Variants in DNAH12 observed in about 807,000 individuals in gnomAD.
The protein encoded by DNAH12 is dynein axonemal heavy chain 12, also known as axonemal beta dynein heavy chain 12.
In DNAH12, 285 loss-of-function variants were observed where a neutral mutation model predicts 371.5. The ratio of observed to expected loss-of-function variants is 0.77; its 90% CI spans 0.70 to 0.85. The LOEUF (loss-of-function observed/expected upper bound fraction) is 0.85, where lower values mean the gene tolerates loss of function less well. Ranked by LOEUF, DNAH12 falls within the 40% of genes least tolerant of loss-of-function variation. The probability of loss-of-function intolerance (pLI) is 0.00; values close to 1 mark genes in which losing one functional copy is unlikely to be tolerated. For missense variants in DNAH12, 3,611 were observed against 3,689.4 expected, an observed-to-expected ratio of 0.98 and a Z score of 0.55; for synonymous variants, 1,200 against 1,213.0, an observed-to-expected ratio of 0.99 and a Z score of 0.22.
At chr3:57,321,068 T>C (rs2061794710) in intron 65 of DNAH12, among the ~76,000 whole-genome samples, 1 of 152,230 alleles carries the variant, frequency 6.6e-6, no homozygotes, top group African/African-American at 2.4e-5. Flanking sequence ...GCACCATTTT[T>C]ATTTGAATAA....
At position 57,470,466 on chromosome 3, in the gene DNAH12, C is replaced by T. The variant is rs568465295; in HGVS notation, c.2082G>A (p.Leu694=). The T allele has an allele frequency of 6.5e-7, 1 of 1,529,528 alleles. No individual in the cohort carries two copies. The highest frequency in any genetic ancestry group is 2.5e-5 in the East Asian group (1 of 40,488). 94.7% of individuals were successfully genotyped at this position (1,529,528 alleles called of 1,614,324 possible). ...EPYQKFFNFV[L]KWQRSEKRWM... is the part of the protein sequence containing the mutation. ...ACCGTTTTTCTGATCGCTGCCACTT[C>T]AAAACAAAATTAAAAAACTTCTGAT... The change falls in exon 16 of 74, where the codon TTG becomes TTA. Residue 694 remains leucine (L), a synonymous_variant. Coordinates refer to ENST00000495027, the MANE Select transcript of DNAH12 (RefSeq NM_001366028.2).
chr3:57,305,959 GC>G (rs1318934026), intron 69 of DNAH12, among the ~76,000 whole-genome samples: 2 of 152,210 alleles, frequency 1.3e-5, no homozygotes, highest in African/African-American at 2.4e-5. Context: ...TGCTACAAGT[GC>G]CAGAAATCTG....
intron 13 of DNAH12, among the ~76,000 whole-genome samples, chr3:57,478,689 C>T (rs1334192149): frequency 6.6e-6 from 1 of 152,102 alleles, no homozygotes; most frequent in African/African-American, 2.4e-5. Context: ...GTTGGGTTAC[C>T]AACAAAGGGA....
chr3:57,519,970 G>A, intron 4 of DNAH12: 1 of 850,330 alleles, frequency 1.2e-6, no homozygotes, highest in Non-Finnish European at 2.0e-6. Flanking sequence ...GGAGTGAGAG[G>A]TCAGGGCGTA....
intron 32 of DNAH12, among the ~76,000 whole-genome samples, chr3:57,432,219 G>C (rs1335168602): frequency 7.1e-6 from 1 of 140,274 alleles, no homozygotes; most frequent in Non-Finnish European, 1.5e-5. Context: ...GCCCAGGTTA[G>C]AGTGCAGTGG....
intron 42 of DNAH12, among the ~76,000 whole-genome samples, 199 bp downstream of exon 42, chr3:57,404,770 G>A (rs1286581018): frequency 6.6e-6 from 1 of 152,012 alleles, no homozygotes; most frequent in Non-Finnish European, 1.5e-5. Context: ...ACTACTACTC[G>A]TATGACACAG....
chr3:57,509,869 A>G (rs1207608273), intron 5 of DNAH12, among the ~76,000 whole-genome samples: 1 of 110,262 alleles, frequency 9.1e-6, no homozygotes, highest in Admixed American at 8.1e-5. Flanking sequence ...CATAAAAAAA[A>G]AAAAAAAAAA....
At position 57,461,555 on chromosome 3, in the gene DNAH12, A is replaced by T. The variant is rs764929720; in HGVS notation, c.2670T>A (p.Asp890Glu). 7.1e-6 allele frequency: 11 copies of T among 1,551,376 alleles called. No individual in the cohort carries two copies. In the South Asian group the frequency reaches 1.3e-4, roughly 18 times the overall value. Residue 890 changes from aspartate to glutamate, a missense_variant, in exon 19 of 74, where the codon GAT becomes GAA. Physicochemically the swap from Asp to Glu is conservative, Grantham distance 45. Around this residue, in one of 3 missense-constraint regions of DNAH12, gnomAD observed 1,314 missense variants for 1,398.7 expected, o/e 0.94. Transcript: ENST00000495027. The part of the protein sequence containing the change: ...SVDEIQAILD[D>E]QIIKTQTMRG... Reference sequence around the variant, plus strand: ...TCATTGTCTGAGTTTTTATAATTTGATCATCAAGGATGGCCTGAATCTCAT... The same window carrying T: ...TCATTGTCTGAGTTTTTATAATTTGTTCATCAAGGATGGCCTGAATCTCAT...
In DNAH12 at chr3:57,508,189, GA is replaced by G. The variant is rs769024023; in HGVS notation, c.701+192del. Among the ~76,000 whole-genome samples, 595 of 70,606 alleles carry G rather than the reference GA, an allele frequency of 8.4e-3. 3 individuals are homozygous for G. Among genetic ancestry groups the G allele is most frequent in the Middle Eastern group, 0.018 (2 of 110 alleles). The allele number at this position is 70,606 out of a possible 152,430, so 46.3% of individuals were successfully genotyped here. A position where few individuals can be genotyped will look rare whatever the true frequency, so the allele number is the denominator to read the frequency against. On this transcript the variant is annotated intron_variant, in intron 7 of 73. Coordinates refer to ENST00000495027, the MANE Select transcript of DNAH12 (RefSeq NM_001366028.2). ...ATGACAGAGCAAGACTCCATCACGG[GA>G]AAAAAAAAACAAAAAAAAAAAAAAC...
chr3:57,408,346 A>C lies in DNAH12; in HGVS notation c.6210T>G (p.Leu2070=). Residue 2070 remains leucine, a synonymous_variant, in exon 40 of 74, where the codon CTT becomes CTG. Transcript: ENST00000495027. ...RIFSSIVAFY[L]RTHEFPPEYF... Reference sequence around the variant, plus strand: ...ACTCTGGAGGAAATTCATGAGTTCTAAGGTAGAATGCTACAATAGATGAGA... The same window carrying C: ...ACTCTGGAGGAAATTCATGAGTTCTCAGGTAGAATGCTACAATAGATGAGA... The C allele has an allele frequency of 1.3e-6, 2 of 1,551,580 alleles. No homozygotes were observed. Among genetic ancestry groups the C allele is most frequent in the Non-Finnish European group, 1.7e-6 (2 of 1,146,894 alleles).
chr3:57,357,518 G>T (rs2062827553), intron 58 of DNAH12, among the ~76,000 whole-genome samples, 170 bp from the exon 59 acceptor site: 1 of 151,696 alleles, frequency 6.6e-6, no homozygotes, highest in African/African-American at 2.4e-5. Flanking sequence ...CAGAAATAAA[G>T]AAAACAAAAG....
intron 39 of DNAH12, among the ~76,000 whole-genome samples, chr3:57,413,463 C>A (rs539887682): frequency 1.3e-5 from 2 of 151,938 alleles, no homozygotes; most frequent in Admixed American, 1.3e-4. Flanking sequence ...GATATACCAA[C>A]GCAGGCTTAT....
chr3:57,512,956 G>A (rs931062413), intron 4 of DNAH12, among the ~76,000 whole-genome samples: 14 of 152,000 alleles, frequency 9.2e-5, no homozygotes, highest in Non-Finnish European at 1.3e-4. Flanking sequence ...GGTCAAGATG[G>A]TGAAACCCCG....
In DNAH12 at chr3:57,419,455, TA is replaced by T; in HGVS notation, c.5625del (p.Asp1875GlufsTer10). On this transcript the variant is annotated frameshift_variant, in exon 37 of 74. Coordinates refer to ENST00000495027, the MANE Select transcript of DNAH12 (RefSeq NM_001366028.2). LOFTEE classifies it high-confidence loss of function. ...NELIKNTNLG[D>X]KQIKIQDIIV... is the part of the protein sequence containing the mutation. ...ATGATATCTTGAATCTTGATTTGTT[TA>T]TCTCCTAAATTAGTATTTTTAATTA... is the stretch of plus-strand genomic sequence containing the variant. 6.6e-7 allele frequency: 1 copy of T among 1,506,500 alleles called. No homozygotes were observed. Among genetic ancestry groups the T allele is most frequent in the Non-Finnish European group, 8.8e-7 (1 of 1,130,470 alleles). The allele number at this position is 1,506,500 out of a possible 1,614,324, so 93.3% of individuals were successfully genotyped here. A position where few individuals can be genotyped will look rare whatever the true frequency, so the allele number is the denominator to read the frequency against.
Position 57,513,514 on chromosome 3 carries a change from A to AG in DNAH12, c.280-2536_280-2535insC, listed in dbSNP as rs1553716095. On this transcript the variant is annotated intron_variant, in intron 4 of 73. Coordinates refer to ENST00000495027, the MANE Select transcript of DNAH12 (RefSeq NM_001366028.2). ...GTAAAATTTAAAAACTTATAATAAAAAAAATACTACTAAACTGTACCCTTA... is the reference window on the plus strand; with the variant it reads ...GTAAAATTTAAAAACTTATAATAAAAGAAAATACTACTAAACTGTACCCTTA... Among the ~76,000 whole-genome samples, 3 of 151,884 alleles carry AG rather than the reference A, an allele frequency of 2.0e-5. No individual in the cohort carries two copies. The South Asian group carries it at 6.2e-4, about 32-fold the overall frequency.
chr3:57,509,512 G>A (rs2067901094), intron 5 of DNAH12, among the ~76,000 whole-genome samples: 1 of 152,110 alleles, frequency 6.6e-6, no homozygotes, highest in African/African-American at 2.4e-5. Context: ...CTGGGAGGAT[G>A]TTGGTCACAG....
intron 60 of DNAH12, 47 bp from the exon 61 acceptor site, chr3:57,334,987 T>C (rs1374498246): frequency 2.0e-6 from 3 of 1,507,644 alleles, no homozygotes; most frequent in East Asian, 2.5e-5. Context: ...GATTTTAAAA[T>C]TGAATGATGT....
At position 57,373,172 on chromosome 3, in the gene DNAH12, C is replaced by T. The variant is rs2063210819; in HGVS notation, c.8759+2199G>A. Among the ~76,000 whole-genome samples, 3 of 152,152 alleles carry T rather than the reference C, an allele frequency of 2.0e-5. No individual in the cohort carries two copies. The South Asian group carries it at 6.2e-4, about 32-fold the overall frequency. ...AACTACACTCCTGGTCTTCAATACTCATGTTTGTTACTCTGGCTTGGGTCC... is the reference window on the plus strand; with the variant it reads ...AACTACACTCCTGGTCTTCAATACTTATGTTTGTTACTCTGGCTTGGGTCC... On this transcript the variant is annotated intron_variant, in intron 55 of 73. Transcript: ENST00000495027.
In DNAH12 at chr3:57,495,357, G is replaced by C. The variant is rs188012609; in HGVS notation, c.1336-5670C>G. On this transcript the variant is annotated intron_variant, in intron 11 of 73. Transcript: ENST00000495027. ...GCAGATCACCTGAGGTCACGAGTTC[G>C]AGACCAGCATGGCCAACAGGTTGAA... is the stretch of plus-strand genomic sequence containing the variant. Among the ~76,000 whole-genome samples, 154 of 147,848 alleles carry C rather than the reference G, an allele frequency of 1.0e-3. 2 individuals are homozygous for C. The highest frequency in any genetic ancestry group is 6.8e-3 in the East Asian group (35 of 5,174).
Sources: gnomAD v4.1 joint callset for allele counts (sites outside exome capture counted in the v4.1 genomes callset) on GRCh38, gnomAD v4.1.1 for gene constraint, gnomAD v4.1.1 regional missense constraint, MANE v1.5 for transcripts, NCBI Gene and HGNC (gene_info 2026-07-23, HGNC 2026-07-21) for gene names.